PKHD1: variants seen among roughly 807,000 people sequenced by gnomAD.
PKHD1 encodes fibrocystin.
In PKHD1, 291 loss-of-function variants were observed where a neutral mutation model predicts 412.0. That is an observed-to-expected ratio of 0.71 (90% CI 0.64 to 0.78). The LOEUF (loss-of-function observed/expected upper bound fraction) is 0.78, where lower values mean the gene tolerates loss of function less well. PKHD1 is among the 30% of genes least tolerant of loss of function. The pLI is 0.00. For missense variants in PKHD1, 4,825 were observed against 4,950.7 expected, an observed-to-expected ratio of 0.97 and a Z score of 0.76; for synonymous variants, 1,777 against 1,821.5, an observed-to-expected ratio of 0.98 and a Z score of 0.62.
intron 50 of PKHD1, among the ~76,000 whole-genome samples, chr6:51,840,312 G>A (rs1489195934): frequency 1.3e-5 from 2 of 152,196 alleles, no homozygotes; most frequent in Admixed American, 6.5e-5. Flanking sequence ...ATCCTTTAAA[G>A]GCGTTCACAG....
intron 60 of PKHD1, among the ~76,000 whole-genome samples, chr6:51,728,171 T>C (rs1004468995): frequency 1.3e-5 from 2 of 152,180 alleles, no homozygotes; most frequent in Non-Finnish European, 2.9e-5. Flanking sequence ...TCTGGAATTC[T>C]CTCTCTAACA....
chr6:51,828,277 GGTAAAAC>G (rs1198900618), intron 52 of PKHD1, among the ~76,000 whole-genome samples: 8 of 151,864 alleles, frequency 5.3e-5, no homozygotes, highest in African/African-American at 1.9e-4. Context: ...TTACTGGCTG[GGTAAAAC>G]TTGAGCAAGT....
chr6:51,856,590 G>T (rs1773347194), intron 48 of PKHD1, among the ~76,000 whole-genome samples: 2 of 152,154 alleles, frequency 1.3e-5, no homozygotes, highest in South Asian at 4.1e-4. Flanking sequence ...ATTGACAGAG[G>T]CCTGGGACCT....
In PKHD1 at chr6:52,023,279, C is replaced by T. The variant is rs188932564; in HGVS notation, c.5237-335G>A. 8.6e-4 allele frequency among the ~76,000 whole-genome samples: 131 copies of T among 152,292 alleles called. 1 individual carries two copies. The South Asian group carries it at 0.012, about 14-fold the overall frequency. On this transcript the variant is annotated intron_variant, in intron 32 of 66. Coordinates refer to ENST00000371117, the MANE Select transcript of PKHD1 (RefSeq NM_138694.4). Reference sequence around the variant, plus strand: ...AATAAAAATTCCCCCAACCATCTGACTCCCTCCCCGGAGGTACCCAGGTAT... The same window carrying T: ...AATAAAAATTCCCCCAACCATCTGATTCCCTCCCCGGAGGTACCCAGGTAT...
At chr6:51,765,727 G>A (rs1788879562) in intron 55 of PKHD1, among the ~76,000 whole-genome samples, 1 of 151,954 alleles carries the variant, frequency 6.6e-6, no homozygotes, top group African/African-American at 2.4e-5. Context: ...TTTGAGTATC[G>A]TCTTTCTCTC....
chr6:52,083,669 T>C (rs1428841820), intron 2 of PKHD1, among the ~76,000 whole-genome samples: 1 of 152,132 alleles, frequency 6.6e-6, no homozygotes, highest in African/African-American at 2.4e-5. Context: ...GGTGGCCATA[T>C]TTCCCTGTAA....
intron 65 of PKHD1, among the ~76,000 whole-genome samples, chr6:51,629,529 G>C (rs537632876): frequency 6.6e-6 from 1 of 151,852 alleles, no homozygotes; most frequent in African/African-American, 2.4e-5. Context: ...TTTTGGATAG[G>C]CATGATCAAG....
At chr6:51,882,274 T>A (rs1286934032) in intron 46 of PKHD1, among the ~76,000 whole-genome samples, 2 of 152,178 alleles carry the variant, frequency 1.3e-5, no homozygotes, top group Non-Finnish European at 2.9e-5. Context: ...CTGGCACTTA[T>A]TTATCTCCTG....
intron 47 of PKHD1, among the ~76,000 whole-genome samples, chr6:51,869,650 G>C (rs1175205150): frequency 6.6e-6 from 1 of 152,042 alleles, no homozygotes. Context: ...ATATGAAATA[G>C]TCAAGATATT....
chr6:51,649,716 G>C (rs1258209454), intron 61 of PKHD1, among the ~76,000 whole-genome samples: 3 of 152,064 alleles, frequency 2.0e-5, no homozygotes, highest in African/African-American at 7.2e-5. Flanking sequence ...AGCAGAGCTG[G>C]GAAGAGATGC....
chr6:51,881,225 G>C (rs1219964794), intron 46 of PKHD1, among the ~76,000 whole-genome samples: 1 of 151,722 alleles, frequency 6.6e-6, no homozygotes, highest in Non-Finnish European at 1.5e-5. Context: ...AGAGCCTTTA[G>C]TGTATTTTTT....
chr6:51,748,547 G>T lies in PKHD1; in HGVS notation c.9069C>A (p.Ser3023Arg). The change falls in exon 58 of 67, where the codon AGC becomes AGA. Residue 3023 changes from serine to arginine, a missense_variant. Ser to Arg is a moderately radical substitution (Grantham distance 110). Transcript: ENST00000371117. ...SWIISSTLHQ[S>R]CGGGIHAAAS... is the part of the protein sequence containing the mutation. ...CAGCTGCATGAATGCCCCCGCCACAGCTCTGGTGCAGAGTAGATGATATGA... is the reference window on the plus strand; with the variant it reads ...CAGCTGCATGAATGCCCCCGCCACATCTCTGGTGCAGAGTAGATGATATGA... 6.2e-7 allele frequency: 1 copy of T among 1,613,678 alleles called. No individual in the cohort carries two copies. Among genetic ancestry groups the T allele is most frequent in the Non-Finnish European group, 8.5e-7 (1 of 1,179,720 alleles).
chr6:51,701,858 C>A, intron 60 of PKHD1, among the ~76,000 whole-genome samples: 1 of 151,150 alleles, frequency 6.6e-6, no homozygotes, highest in Non-Finnish European at 1.5e-5. Context: ...GCTTTGTGGC[C>A]AAGAGGAAAA....
At chr6:51,868,760 A>G (rs1456997519) in intron 47 of PKHD1, among the ~76,000 whole-genome samples, 2 of 151,930 alleles carry the variant, frequency 1.3e-5, no homozygotes, top group Admixed American at 6.6e-5. Flanking sequence ...AGCAAACTCA[A>G]TTAATCACTT....
intron 33 of PKHD1, among the ~76,000 whole-genome samples, chr6:52,020,246 A>C (rs1801197275): frequency 6.6e-6 from 1 of 152,352 alleles, no homozygotes; most frequent in South Asian, 2.1e-4. Context: ...GTGCACAGCC[A>C]TGGTAGAAAT....
In PKHD1 at chr6:52,084,891, G is replaced by A. The variant is rs760667087; in HGVS notation, c.43C>T (p.Leu15Phe). The A allele has an allele frequency of 1.2e-6, 2 of 1,600,956 alleles. No homozygotes were observed. Among genetic ancestry groups the A allele is most frequent in the African/African-American group, 2.7e-5 (2 of 74,626 alleles). Residue 15 changes from leucine to phenylalanine, a missense_variant, in exon 2 of 67, where the codon CTT becomes TTT. Physicochemically the swap from Leu to Phe is conservative, Grantham distance 22. Transcript: ENST00000371117. ...LISLMSIEVL[L>F]LAVRHLSLHI... ...AACACATTCTACTGACCTGCCAAAA[G>A]TAGTACTTCAATACTCATCAGAGAG...
chr6:51,708,982 C>A (rs1034336753), intron 60 of PKHD1, among the ~76,000 whole-genome samples: 9 of 152,178 alleles, frequency 5.9e-5, no homozygotes, highest in Admixed American at 6.5e-5. Context: ...TAGCCCAAAA[C>A]AGTTGCCTTT....
At chr6:52,036,048 A>G (rs984588977) in intron 27 of PKHD1, among the ~76,000 whole-genome samples, 2 of 152,158 alleles carry the variant, frequency 1.3e-5, no homozygotes, top group African/African-American at 2.4e-5. Flanking sequence ...TCATTCCTGC[A>G]ATCCTATAAA....
At chr6:52,015,559 T>C (rs1370221024) in intron 34 of PKHD1, among the ~76,000 whole-genome samples, 3 of 151,984 alleles carry the variant, frequency 2.0e-5, no homozygotes, top group Non-Finnish European at 2.9e-5. Flanking sequence ...GTGCAGTGGC[T>C]CACGCCTGTA....
Sources: allele counts gnomAD v4.1 joint callset (sites outside exome capture counted in the v4.1 genomes callset), GRCh38; gene constraint gnomAD v4.1.1; transcripts MANE v1.5; gene names NCBI Gene and HGNC (gene_info 2026-07-23, HGNC 2026-07-21).